Variants in KAT6B observed in about 807,000 individuals in gnomAD.
KAT6B encodes lysine acetyltransferase 6B.
In KAT6B, 10 loss-of-function variants were observed where a neutral mutation model predicts 187.5. The ratio of observed to expected loss-of-function variants is 0.05; its 90% CI spans 0.03 to 0.09. The LOEUF (loss-of-function observed/expected upper bound fraction) is 0.09. Ranked by LOEUF, KAT6B falls within the 10% of genes least tolerant of loss-of-function variation. The pLI is 1.00. For synonymous variants in KAT6B, 861 were observed against 926.8 expected (o/e 0.93, Z 1.29); for missense variants, 1,952 against 2,558.9 (o/e 0.76, Z 5.12).
intron 11 of KAT6B, chr10:74,984,106 A>G (rs1466793917): frequency 5.9e-5 from 9 of 152,198 alleles, no homozygotes; most frequent in African/African-American, 2.2e-4. Context: ...ACTTCCTTTA[A>G]TTAAAGGGAG....
At chr10:74,873,761 A>G (rs1287959146) in intron 3 of KAT6B, among the ~76,000 whole-genome samples, 2 of 152,162 alleles carry the variant, frequency 1.3e-5, no homozygotes, top group East Asian at 1.9e-4. Flanking sequence ...CTGAATTCCA[A>G]TAGAATCTTC....
chr10:74,918,180 TTAATAA>T, intron 3 of KAT6B, among the ~76,000 whole-genome samples: 1 of 152,360 alleles, frequency 6.6e-6, no homozygotes, highest in Non-Finnish European at 1.5e-5. Context: ...TTAAATTCTG[TTAATAA>T]AGAATATGAA....
intron 3 of KAT6B, among the ~76,000 whole-genome samples, chr10:74,850,104 A>G (rs560602706): frequency 6.6e-6 from 1 of 151,918 alleles, no homozygotes; most frequent in Non-Finnish European, 1.5e-5. Flanking sequence ...ACGCCCGGCT[A>G]ATTTTTTGTA....
At chr10:74,916,622 G>A (rs185492033) in intron 3 of KAT6B, among the ~76,000 whole-genome samples, 50 of 152,228 alleles carry the variant, frequency 3.3e-4, no homozygotes, top group Admixed American at 2.8e-3. Flanking sequence ...ATATTTGTAG[G>A]TATATTAAAT....
At chr10:74,844,148 A>G (rs1841940697) in intron 3 of KAT6B, among the ~76,000 whole-genome samples, 1 of 152,140 alleles carries the variant, frequency 6.6e-6, no homozygotes, top group South Asian at 2.1e-4. Context: ...CGCTGGGATT[A>G]GAGGCGTGAG....
At chr10:74,998,138 G>A (rs922910676) in intron 13 of KAT6B, among the ~76,000 whole-genome samples, 5 of 151,994 alleles carry the variant, frequency 3.3e-5, no homozygotes, top group African/African-American at 1.2e-4. Context: ...ACAAAAAATA[G>A]AGACAGGGTC....
At chr10:74,938,603 T>C (rs558902157) in intron 3 of KAT6B, among the ~76,000 whole-genome samples, 1 of 152,332 alleles carries the variant, frequency 6.6e-6, no homozygotes, top group Non-Finnish European at 1.5e-5. Flanking sequence ...GTTGTGACAC[T>C]GAATATGGAA....
chr10:74,866,590 T>C (rs540389005), intron 3 of KAT6B, among the ~76,000 whole-genome samples: 1 of 151,740 alleles, frequency 6.6e-6, no homozygotes, highest in Admixed American at 6.6e-5. Context: ...GTAGATTTAC[T>C]AAAAAAAAGG....
intron 3 of KAT6B, among the ~76,000 whole-genome samples, chr10:74,958,811 G>C (rs536323584): frequency 6.6e-6 from 1 of 151,710 alleles, no homozygotes; most frequent in African/African-American, 2.4e-5. Flanking sequence ...AGGCTGAGGC[G>C]GGCGGATCAT....
intron 17 of KAT6B, among the ~76,000 whole-genome samples, chr10:75,026,387 C>G (rs1398024307): frequency 6.6e-6 from 1 of 152,174 alleles, no homozygotes; most frequent in Non-Finnish European, 1.5e-5. Context: ...ATGGTATACT[C>G]TCTCTATTCC....
At chr10:74,912,203 C>G (rs1847260348) in intron 3 of KAT6B, among the ~76,000 whole-genome samples, 1 of 152,040 alleles carries the variant, frequency 6.6e-6, no homozygotes, top group Non-Finnish European at 1.5e-5. Flanking sequence ...TTTAGACTGG[C>G]TTCCTCCTAA....
intron 3 of KAT6B, among the ~76,000 whole-genome samples, chr10:74,949,171 G>C (rs1174144538): frequency 6.6e-6 from 1 of 152,200 alleles, no homozygotes; most frequent in African/African-American, 2.4e-5. Flanking sequence ...TTGCCAAAGA[G>C]AATAGTTTGT....
intron 13 of KAT6B, among the ~76,000 whole-genome samples, chr10:74,997,426 G>T (rs1274948282): frequency 1.3e-5 from 2 of 151,962 alleles, no homozygotes; most frequent in South Asian, 4.2e-4. Context: ...CAGTCCTCAC[G>T]GCAACAGTTG....
chr10:74,960,793 C>G (rs2133531707), intron 4 of KAT6B, among the ~76,000 whole-genome samples: 1 of 152,300 alleles, frequency 6.6e-6, no homozygotes, highest in East Asian at 1.9e-4. Flanking sequence ...AGTAAACACC[C>G]TGGCACAAGG....
chr10:74,950,308 G>C (rs1324684228), intron 3 of KAT6B, among the ~76,000 whole-genome samples: 1 of 152,182 alleles, frequency 6.6e-6, no homozygotes, highest in Admixed American at 6.5e-5. Context: ...ACAGAGTTCT[G>C]TTCTACCCCG....
chr10:74,975,882 T>C lies in KAT6B; in HGVS notation c.1545T>C (p.Ser515=). 1 of 1,614,120 alleles carries C rather than the reference T, an allele frequency of 6.2e-7. No homozygotes were observed. The highest frequency in any genetic ancestry group is 1.3e-5 in the African/African-American group (1 of 75,024). The change falls in exon 8 of 18, where the codon TCT becomes TCC. Residue 515 remains serine (S), a synonymous_variant. Transcript: ENST00000287239. ...CACAAAAGTCCAGCACGGCCACTTCTTCTCCCTCTCCCCAGAGTTCTTCCA... is the reference window on the plus strand; with the variant it reads ...CACAAAAGTCCAGCACGGCCACTTCCTCTCCCTCTCCCCAGAGTTCTTCCA... ...PSSQKSSTAT[S]SPSPQSSSSQ...
At chr10:74,989,258 A>T in intron 13 of KAT6B, 146 bp downstream of exon 13, 1 of 684,560 alleles carries the variant, frequency 1.5e-6, no homozygotes, top group Admixed American at 2.2e-5. Context: ...ATAGGTTAGA[A>T]CATCTTCCTC....
chr10:74,863,280 A>G (rs1195396995), intron 3 of KAT6B, among the ~76,000 whole-genome samples: 1 of 152,196 alleles, frequency 6.6e-6, no homozygotes, highest in Non-Finnish European at 1.5e-5. Flanking sequence ...CTTCCTTTCT[A>G]AATTTAAAAT....
At chr10:74,827,909 C>T (rs995914913) in intron 1 of KAT6B, among the ~76,000 whole-genome samples, 3 of 152,078 alleles carry the variant, frequency 2.0e-5, no homozygotes, top group African/African-American at 7.2e-5. Context: ...GATCTGCCCA[C>T]CTCTGCCTGA....
Sources: allele counts gnomAD v4.1 joint callset (sites outside exome capture counted in the v4.1 genomes callset), GRCh38; gene constraint gnomAD v4.1.1; transcripts MANE v1.5; gene names NCBI Gene and HGNC (gene_info 2026-07-23, HGNC 2026-07-21).